Variants in NECTIN1 observed in about 807,000 individuals in gnomAD.
NECTIN1 encodes the protein nectin cell adhesion molecule 1, also known as nectin-1.
Under a neutral mutation model 48.0 loss-of-function variants are expected in NECTIN1, and 23 were observed. That is an observed-to-expected ratio of 0.48 (90% CI 0.34 to 0.68). NECTIN1 has a LOEUF of 0.68. Ranked by LOEUF, NECTIN1 falls within the 30% of genes least tolerant of loss-of-function variation. The pLI, the probability that NECTIN1 is intolerant of heterozygous loss-of-function variation, is 0.01. For missense variants in NECTIN1, 591 were observed against 709.9 expected (o/e 0.83, Z 1.90); for synonymous variants, 270 against 288.9 (o/e 0.93, Z 0.66).
rs1865972194 is a variant in NECTIN1 at position 119,729,163 on chromosome 11, A to C, written c.-610T>G. 1 of 151,978 alleles carries C rather than the reference A, an allele frequency of 6.6e-6. No individual in the cohort carries two copies. Among genetic ancestry groups the C allele is most frequent in the Non-Finnish European group, 1.5e-5 (1 of 68,002 alleles). 9.4% of individuals were successfully genotyped at this position (151,978 alleles called of 1,614,324 possible). On this transcript the variant is annotated 5_prime_UTR_variant, in exon 1 of 6. Coordinates refer to ENST00000264025, the MANE Select transcript of NECTIN1 (RefSeq NM_002855.5). ...GCTCTGCCGGGTGCCGGCGATCCGCAACAATGTGGAGCCGCGCTCGCTGCT... is the reference window on the plus strand; with the variant it reads ...GCTCTGCCGGGTGCCGGCGATCCGCCACAATGTGGAGCCGCGCTCGCTGCT...
intron 5 of NECTIN1, among the ~76,000 whole-genome samples, chr11:119,669,127 G>A (rs995210384): frequency 1.3e-5 from 2 of 152,196 alleles, no homozygotes; most frequent in Non-Finnish European, 2.9e-5. Context: ...AATTGAAAAT[G>A]CAGGCTGGGC....
intron 1 of NECTIN1, chr11:119,713,960 C>A: frequency 4.6e-6 from 2 of 433,770 alleles, no homozygotes; most frequent in Middle Eastern, 3.4e-4. Context: ...GTCTCCTGGG[C>A]TTTGGGGGCA....
intron 5 of NECTIN1, chr11:119,642,703 C>T (rs1864344651): frequency 6.5e-6 from 1 of 153,518 alleles, no homozygotes; most frequent in Admixed American, 6.5e-5. Context: ...TCCAAGCATG[C>T]TCAAAAGTCC....
intron 5 of NECTIN1, among the ~76,000 whole-genome samples, chr11:119,652,222 C>T (rs367711158): frequency 9.7e-4 from 147 of 152,294 alleles, no homozygotes; most frequent in African/African-American, 3.3e-3. Flanking sequence ...GGTTTTCCAG[C>T]GAACCCCACC....
In NECTIN1 at chr11:119,728,488, T is replaced by G. The variant is rs779257842; in HGVS notation, c.66A>C (p.Ala22=). The part of the protein sequence containing the change: ...RWWGLALGLT[A]FFLPGVHSQV... ...GAGCGCTCTTACCTGGGAGGAAGAA[T>G]GCGGTCAAGCCGAGAGCGAGTCCCC... Residue 22 remains alanine (A), a synonymous_variant, in exon 1 of 6, where the codon GCA becomes GCC. Transcript: ENST00000264025. 6.2e-7 allele frequency: 1 copy of G among 1,603,092 alleles called. No homozygotes were observed. Among genetic ancestry groups the G allele is most frequent in the Non-Finnish European group, 8.5e-7 (1 of 1,175,852 alleles).
intron 7 of NECTIN1, chr11:119,638,628 G>T: frequency 1.9e-6 from 2 of 1,068,038 alleles, no homozygotes; most frequent in Non-Finnish European, 1.4e-6. Context: ...CCATGAAGGC[G>T]TGGCGGCTCT....
intron 1 of NECTIN1, among the ~76,000 whole-genome samples, chr11:119,695,131 G>A (rs539120879): frequency 6.6e-6 from 1 of 152,200 alleles, no homozygotes; most frequent in African/African-American, 2.4e-5. Flanking sequence ...GCTCAGGCTC[G>A]GGAAGTGATC....
At chr11:119,670,970 C>G (rs1472810284) in intron 5 of NECTIN1, among the ~76,000 whole-genome samples, 1 of 151,928 alleles carries the variant, frequency 6.6e-6, no homozygotes. Flanking sequence ...AGGAGGTTTA[C>G]TCTTTCCTGG....
chr11:119,645,669 C>T (rs970097025), intron 5 of NECTIN1, among the ~76,000 whole-genome samples: 6 of 152,202 alleles, frequency 3.9e-5, no homozygotes, highest in African/African-American at 9.6e-5. Flanking sequence ...TCTCTGTCTC[C>T]GTCTCAACAT....
intron 1 of NECTIN1, among the ~76,000 whole-genome samples, chr11:119,706,072 G>A (rs1865544477): frequency 6.6e-6 from 1 of 152,172 alleles, no homozygotes; most frequent in African/African-American, 2.4e-5. Context: ...GAGAAATAAA[G>A]CCCTCAGCTG....
chr11:119,646,458 G>A (rs1864397238), intron 5 of NECTIN1, among the ~76,000 whole-genome samples: 1 of 152,248 alleles, frequency 6.6e-6, no homozygotes, highest in Admixed American at 6.5e-5. Context: ...CCCCTCCGTA[G>A]AATCTCGGCT....
At position 119,662,560 on chromosome 11, in the gene NECTIN1, T is replaced by C. The variant is rs1183245249; in HGVS notation, c.*2187A>G. 11 of 985,670 alleles carry C rather than the reference T, an allele frequency of 1.1e-5. No homozygotes were observed. The highest frequency in any genetic ancestry group is 1.0e-3 in the Middle Eastern group (2 of 1,914). The allele number at this position is 985,670 out of a possible 1,614,324, so 61.1% of individuals were successfully genotyped here. On this transcript the variant is annotated 3_prime_UTR_variant, in exon 6 of 6. Coordinates refer to ENST00000264025, the MANE Select transcript of NECTIN1 (RefSeq NM_002855.5). This position sits in a 1 kb window ranked among gnomAD's most constrained non-coding sequence, Gnocchi z 5.3. The stretch of plus-strand genomic sequence containing the variant: ...CAGAATGGGGAATAGAGGGTGGCAG[T>C]GCAGGATAAAGGAGATGCAGGAGGA...
At chr11:119,687,933 C>T (rs1865186987) in intron 1 of NECTIN1, among the ~76,000 whole-genome samples, 1 of 152,068 alleles carries the variant, frequency 6.6e-6, no homozygotes, top group African/African-American at 2.4e-5. Context: ...ACAATGCCTA[C>T]CTGCAGGGAA....
At chr11:119,648,280 GTGGTGGTGATGGTGGTGGTGGTGGTGA>G (rs1864430207) in intron 5 of NECTIN1, among the ~76,000 whole-genome samples, 3 of 43,756 alleles carry the variant, frequency 6.9e-5, no homozygotes, top group South Asian at 7.3e-4. Context: ...GGTGGTGATG[GTGGTGGTGATGGTGGTGGTGGTGGTGA>G]TGGTGGTGAT....
At chr11:119,717,765 C>T (rs964312929) in intron 1 of NECTIN1, among the ~76,000 whole-genome samples, 1 of 152,210 alleles carries the variant, frequency 6.6e-6, no homozygotes, top group Non-Finnish European at 1.5e-5. Context: ...CCGGCAGGCA[C>T]CTGCAGGCCC....
intron 5 of NECTIN1, among the ~76,000 whole-genome samples, chr11:119,671,298 C>A (rs1864858635): frequency 6.6e-6 from 1 of 152,038 alleles, no homozygotes; most frequent in South Asian, 2.1e-4. Context: ...GCCGCAGGGT[C>A]ATTTGTGTTT....
chr11:119,647,798 C>G (rs1864417406), intron 5 of NECTIN1, among the ~76,000 whole-genome samples: 1 of 152,080 alleles, frequency 6.6e-6, no homozygotes. Context: ...CGCGGTGGCT[C>G]ACGCCTGTAA....
At chr11:119,723,815 C>T (rs10790339) in intron 1 of NECTIN1, among the ~76,000 whole-genome samples, 71,454 of 151,994 alleles carry the variant, frequency 0.47, 17,898 homozygotes, top group Non-Finnish European at 0.55. Flanking sequence ...CAAGGTGATC[C>T]GTGCTCAGAT....
intron 5 of NECTIN1, among the ~76,000 whole-genome samples, chr11:119,647,193 G>A (rs1331670318): frequency 2.4e-5 from 3 of 125,644 alleles, no homozygotes; most frequent in Non-Finnish European, 3.5e-5. Context: ...GTGTGTGTGT[G>A]TGTGTGTGTG....
Sources: allele counts gnomAD v4.1 joint callset (sites outside exome capture counted in the v4.1 genomes callset), GRCh38; gene constraint gnomAD v4.1.1; non-coding constraint Gnocchi (gnomAD v3.1); transcripts MANE v1.5; gene names NCBI Gene and HGNC (gene_info 2026-07-23, HGNC 2026-07-21).